The following GRID2 variants were observed in gnomAD, a reference collection of about 807,000 sequenced individuals.
GRID2 encodes glutamate ionotropic receptor delta type subunit 2.
Under a neutral mutation model 114.8 loss-of-function variants are expected in GRID2, and 33 were observed. That is an observed-to-expected ratio of 0.29 (90% confidence interval 0.22 to 0.38). GRID2 has a LOEUF of 0.38. Among genes scored for constraint, GRID2 ranks in the 10% least tolerant of loss-of-function variants. The pLI is 1.00. For missense variants in GRID2, 1,184 were observed against 1,257.7 expected (o/e 0.94, Z 0.89); for synonymous variants, 505 against 449.9 (o/e 1.12, Z -1.55).
At position 92,890,501 on chromosome 4, in the gene GRID2, A is replaced by G. The variant is rs563669931; in HGVS notation, c.245-194494A>G. On this transcript the variant is annotated intron_variant, in intron 2 of 15. Transcript: ENST00000282020. Reference sequence around the variant, plus strand: ...GAAGATATTTATGTGGCCAAAAAACATATGAAAAAAAAAGCTCATCATCAT... The same window carrying G: ...GAAGATATTTATGTGGCCAAAAAACGTATGAAAAAAAAAGCTCATCATCAT... Among the ~76,000 whole-genome samples, 44 of 152,332 alleles carry G rather than the reference A, an allele frequency of 2.9e-4. 1 individual carries two copies. The East Asian group carries it at 7.5e-3, about 26-fold the overall frequency.
intron 2 of GRID2, among the ~76,000 whole-genome samples, chr4:92,923,069 A>T (rs934636043): frequency 6.6e-6 from 1 of 152,212 alleles, no homozygotes; most frequent in Non-Finnish European, 1.5e-5. Context: ...GTTGTTTTAA[A>T]ACTGGAATAT....
intron 2 of GRID2, among the ~76,000 whole-genome samples, chr4:92,790,067 G>T (rs1739505556): frequency 6.6e-6 from 1 of 151,818 alleles, no homozygotes; most frequent in Non-Finnish European, 1.5e-5. Flanking sequence ...CTGCACTAGA[G>T]TAACCTAGCT....
At chr4:93,607,458 TA>T (rs1483280657) in intron 13 of GRID2, among the ~76,000 whole-genome samples, 1 of 152,138 alleles carries the variant, frequency 6.6e-6, no homozygotes, top group Non-Finnish European at 1.5e-5. Context: ...TGATGAACAT[TA>T]CCACTATTTC....
chr4:92,320,083 A>G (rs1726232012), intron 1 of GRID2, among the ~76,000 whole-genome samples: 1 of 152,174 alleles, frequency 6.6e-6, no homozygotes, highest in Admixed American at 6.5e-5. Context: ...ACAGGAAACC[A>G]AGAAAGAGAA....
At chr4:93,438,226 T>C (rs925686627) in intron 10 of GRID2, among the ~76,000 whole-genome samples, 1 of 151,950 alleles carries the variant, frequency 6.6e-6, no homozygotes, top group African/African-American at 2.4e-5. Flanking sequence ...AACAAATGTG[T>C]AGATAAATAA....
At chr4:93,704,107 C>T (rs184772125) in intron 14 of GRID2, among the ~76,000 whole-genome samples, 2,735 of 152,256 alleles carry the variant, frequency 0.018, 33 homozygotes, top group Non-Finnish European at 0.024. Context: ...TTGGCAGTCC[C>T]ACCAACAGTG....
intron 4 of GRID2, among the ~76,000 whole-genome samples, chr4:93,160,980 C>G (rs1040097650): frequency 6.6e-6 from 1 of 151,790 alleles, no homozygotes; most frequent in African/African-American, 2.4e-5. Flanking sequence ...AGTTGCAAAA[C>G]TGCCTCAGTC....
rs190687917 is a variant in GRID2 at position 93,410,102 on chromosome 4, T to C, written c.1348-12669T>C. Among the ~76,000 whole-genome samples the C allele has an allele frequency of 1.2e-3, 189 of 152,288 alleles. 1 individual carries two copies. Among genetic ancestry groups the C allele is most frequent in the Admixed American group, 2.1e-3 (32 of 15,294 alleles). Reference sequence around the variant, plus strand: ...TACATTATTTATCTACCCTCAAGTTTCAGTTCTCTCCTTTGCAAATGACAA... The same window carrying C: ...TACATTATTTATCTACCCTCAAGTTCCAGTTCTCTCCTTTGCAAATGACAA... On this transcript the variant is annotated intron_variant, in intron 9 of 15. Transcript: ENST00000282020.
chr4:92,653,600 T>C (rs368440743), intron 2 of GRID2, among the ~76,000 whole-genome samples: 2 of 152,032 alleles, frequency 1.3e-5, no homozygotes, highest in African/African-American at 4.8e-5. Context: ...CTATCAAATA[T>C]ATTTTGGTAA....
intron 2 of GRID2, among the ~76,000 whole-genome samples, chr4:92,597,692 TGTATG>T (rs1251209657): frequency 6.6e-6 from 1 of 152,208 alleles, no homozygotes; most frequent in Non-Finnish European, 1.5e-5. Context: ...TATGTCTGTA[TGTATG>T]GTGCATGGAT....
intron 2 of GRID2, among the ~76,000 whole-genome samples, chr4:92,639,078 A>G (rs1731219838): frequency 1.3e-5 from 2 of 151,480 alleles, no homozygotes; most frequent in African/African-American, 4.8e-5. Flanking sequence ...ACTGTAATGA[A>G]ACTCTTCCCT....
intron 1 of GRID2, among the ~76,000 whole-genome samples, chr4:92,328,218 T>C (rs908979817): frequency 6.6e-6 from 1 of 151,990 alleles, no homozygotes; most frequent in African/African-American, 2.4e-5. Context: ...AAGGACTGCA[T>C]CTTATGCCAT....
chr4:93,245,045 T>C (rs1255277258), intron 8 of GRID2, among the ~76,000 whole-genome samples: 2 of 152,196 alleles, frequency 1.3e-5, no homozygotes, highest in East Asian at 3.9e-4. Flanking sequence ...CTAGAAAATA[T>C]TGTGAATTGA....
At chr4:92,606,338 AGAT>A in intron 2 of GRID2, among the ~76,000 whole-genome samples, 1 of 150,952 alleles carries the variant, frequency 6.6e-6, no homozygotes, top group Non-Finnish European at 1.5e-5. Flanking sequence ...AGCGTTTTAC[AGAT>A]GAAGAAAATG....
intron 1 of GRID2, among the ~76,000 whole-genome samples, chr4:92,563,171 G>C (rs1727178020): frequency 6.6e-6 from 1 of 151,982 alleles, no homozygotes; most frequent in East Asian, 1.9e-4. Context: ...CTAGTTTAAT[G>C]GTTTAAAAAA....
At chr4:93,250,496 A>T (rs1748753138) in intron 8 of GRID2, among the ~76,000 whole-genome samples, 1 of 151,868 alleles carries the variant, frequency 6.6e-6, no homozygotes, top group African/African-American at 2.4e-5. Context: ...AAGCATAAAA[A>T]AAATAATAAT....
At chr4:92,414,865 C>T (rs1404614389) in intron 1 of GRID2, among the ~76,000 whole-genome samples, 2 of 151,968 alleles carry the variant, frequency 1.3e-5, no homozygotes, top group East Asian at 3.9e-4. Flanking sequence ...CCAATAAAAA[C>T]TAAAACCTGA....
At chr4:92,654,543 T>A (rs1185227078) in intron 2 of GRID2, among the ~76,000 whole-genome samples, 1 of 152,050 alleles carries the variant, frequency 6.6e-6, no homozygotes, top group Non-Finnish European at 1.5e-5. Context: ...AATAAGAGTT[T>A]CCTTTTCTCT....
chr4:92,441,589 GT>G (rs1367055758), intron 1 of GRID2, among the ~76,000 whole-genome samples: 2 of 152,128 alleles, frequency 1.3e-5, no homozygotes, highest in African/African-American at 4.8e-5. Context: ...GGCTCGTCTG[GT>G]TTTAGGACAG....
Sources: allele counts gnomAD v4.1 joint callset (sites outside exome capture counted in the v4.1 genomes callset), GRCh38; gene constraint gnomAD v4.1.1; transcripts MANE v1.5; gene names NCBI Gene and HGNC (gene_info 2026-07-23, HGNC 2026-07-21).